Variants in TBCD observed in about 807,000 individuals in gnomAD.
The protein encoded by TBCD is tubulin folding cofactor D.
In TBCD, 105 loss-of-function variants were observed where a neutral mutation model predicts 169.3. The ratio of observed to expected loss-of-function variants is 0.62; its 90% CI spans 0.53 to 0.73. The LOEUF (loss-of-function observed/expected upper bound fraction) is 0.73, where lower values mean the gene tolerates loss of function less well. Ranked by LOEUF, TBCD falls within the 30% of genes least tolerant of loss-of-function variation. The pLI, the probability that TBCD is intolerant of heterozygous loss-of-function variation, is 0.00. For missense variants in TBCD, 1,444 were observed against 1,600.1 expected, an observed-to-expected ratio of 0.90 and a Z score of 1.66; for synonymous variants, 700 against 643.9, an observed-to-expected ratio of 1.09 and a Z score of -1.32.
Position 82,779,361 on chromosome 17 carries a change from T to C in TBCD, c.639-2228T>C, listed in dbSNP as rs750648105. On this transcript the variant is annotated intron_variant, in intron 6 of 38. Coordinates refer to ENST00000355528, the MANE Select transcript of TBCD (RefSeq NM_005993.5). ...GTCTTGAACTCCTGAACTCAAGCTA[T>C]TCACCCACCTCCGCCTCCCAAATTG... is the stretch of plus-strand genomic sequence containing the variant. Among the ~76,000 whole-genome samples the C allele has an allele frequency of 2.6e-5, 4 of 152,194 alleles. No homozygotes were observed. In the South Asian group the frequency reaches 8.3e-4, roughly 32 times the overall value.
rs144854921 is a variant in TBCD, at chr17:82,937,380, G to A, written c.3281+20G>A. ...CGCAGTGTGAGTTTCAAGTGCTGCT[G>A]GCCTTAGACGGAATGGCAGGGCGCA... On this transcript the variant is annotated intron_variant, in intron 35 of 38. Transcript: ENST00000355528. 1,346 of 1,610,838 alleles carry A rather than the reference G, an allele frequency of 8.4e-4. 11 individuals are homozygous for A. The African/African-American group carries it at 0.014, about 17-fold the overall frequency.
chr17:82,800,391 A>G (rs910710173), intron 8 of TBCD, among the ~76,000 whole-genome samples: 2 of 152,100 alleles, frequency 1.3e-5, no homozygotes, highest in Non-Finnish European at 2.9e-5. Context: ...CCTGAAAAAC[A>G]GAGCAAGCCA....
intron 9 of TBCD, among the ~76,000 whole-genome samples, chr17:82,804,733 C>T (rs2050825635): frequency 6.6e-6 from 1 of 152,204 alleles, no homozygotes; most frequent in Non-Finnish European, 1.5e-5. Context: ...GCAGCTCTCA[C>T]CAGACTCTGC....
chr17:82,937,609 G>A (rs1599715507), intron 35 of TBCD: 1 of 592,082 alleles, frequency 1.7e-6, no homozygotes, highest in East Asian at 2.8e-5. Context: ...TGCCCTGGCG[G>A]GAGGGGAGGC....
Position 82,822,567 on chromosome 17 carries a change from C to T in TBCD, c.1318+7633C>T, listed in dbSNP as rs1372705325. 2.0e-5 allele frequency among the ~76,000 whole-genome samples: 3 copies of T among 152,272 alleles called. No homozygotes were observed. The East Asian group carries it at 5.8e-4, about 29-fold the overall frequency. On this transcript the variant is annotated intron_variant, in intron 13 of 38. Coordinates refer to ENST00000355528, the MANE Select transcript of TBCD (RefSeq NM_005993.5). ...TGGGGGCCAGATCCTAGAGGGGCTTCAGGAACACAGTGAGGGGTTTGGAAA... is the reference window on the plus strand; with the variant it reads ...TGGGGGCCAGATCCTAGAGGGGCTTTAGGAACACAGTGAGGGGTTTGGAAA...
At chr17:82,873,829 T>G (rs2057776697) in intron 14 of TBCD, among the ~76,000 whole-genome samples, 2 of 152,184 alleles carry the variant, frequency 1.3e-5, no homozygotes, top group Admixed American at 6.5e-5. Flanking sequence ...TTAGGCCTGA[T>G]TCACAGAGGC....
At chr17:82,815,550 C>T (rs942152578) in intron 13 of TBCD, among the ~76,000 whole-genome samples, 6 of 152,242 alleles carry the variant, frequency 3.9e-5, no homozygotes, top group African/African-American at 7.2e-5. Context: ...GGGCACTGCC[C>T]CAGACCAGCT....
At chr17:82,780,012 G>A (rs1322752614) in intron 6 of TBCD, among the ~76,000 whole-genome samples, 3 of 152,266 alleles carry the variant, frequency 2.0e-5, no homozygotes, top group African/African-American at 7.2e-5. Context: ...CCCCATAAAG[G>A]TGTGGCTAGG....
rs763219815 is a variant in TBCD, at chr17:82,937,935, G to A, written c.3282-114G>A. On this transcript the variant is annotated intron_variant, in intron 35 of 38. Transcript: ENST00000355528. Reference sequence around the variant, plus strand: ...CGGCTTGGGGCCCCAGGCCCGCACTGTGCTCACGGATCTGCTCTGCCCAGG... The same window carrying A: ...CGGCTTGGGGCCCCAGGCCCGCACTATGCTCACGGATCTGCTCTGCCCAGG... 1.1e-5 allele frequency: 17 copies of A among 1,545,484 alleles called. 1 individual carries two copies. The South Asian group carries it at 1.8e-4, about 16-fold the overall frequency.
At position 82,835,056 on chromosome 17, in the gene TBCD, A is replaced by G. The variant is rs1598810030; in HGVS notation, c.1318+20122A>G. Among the ~76,000 whole-genome samples the G allele has an allele frequency of 6.6e-6, 1 of 151,844 alleles. No homozygotes were observed. The highest frequency in any genetic ancestry group is 2.1e-4 in the South Asian group (1 of 4,812). ...GCAGCCTGGTGGGCAACAGAATGAG[A>G]CCCTGCCTCAAAAAAAAGCTAAATG... On this transcript the variant is annotated intron_variant, in intron 13 of 38. Transcript: ENST00000355528. The surrounding 1 kb of genome is among the most constrained non-coding windows in gnomAD (Gnocchi z 4.5).
chr17:82,887,015 G>A (rs769016745), intron 15 of TBCD, among the ~76,000 whole-genome samples: 14 of 151,794 alleles, frequency 9.2e-5, no homozygotes, highest in South Asian at 2.1e-4. Flanking sequence ...GAGCCCATGC[G>A]TGTTTCACCA....
At position 82,884,643 on chromosome 17, in the gene TBCD, C is replaced by T. The variant is rs1359435618; in HGVS notation, c.1533+441C>T. On this transcript the variant is annotated intron_variant, in intron 15 of 38. Coordinates refer to ENST00000355528, the MANE Select transcript of TBCD (RefSeq NM_005993.5). The surrounding 1 kb of genome is among the most constrained non-coding windows in gnomAD (Gnocchi z 4.2). ...TCAGCTCTGCTTCACCCGCCACACT[C>T]GCCTGGGCCTTGCTGGATGTGGGAG... Among the ~76,000 whole-genome samples the T allele has an allele frequency of 6.6e-6, 1 of 152,184 alleles. No individual in the cohort carries two copies. Among genetic ancestry groups the T allele is most frequent in the Non-Finnish European group, 1.5e-5 (1 of 68,030 alleles).
intron 13 of TBCD, among the ~76,000 whole-genome samples, chr17:82,837,520 G>A (rs2145383193): frequency 6.6e-6 from 1 of 152,296 alleles, no homozygotes; most frequent in South Asian, 2.1e-4. Flanking sequence ...TTCCATTTTA[G>A]TTAATAACAT....
At chr17:82,909,471 A>T (rs530228076) in intron 22 of TBCD, among the ~76,000 whole-genome samples, 164 bp downstream of exon 22, 1 of 143,106 alleles carries the variant, frequency 7.0e-6, no homozygotes, top group Admixed American at 7.0e-5. Flanking sequence ...TGAGGGTCTG[A>T]CCTGGTTGTG....
chr17:82,909,425 C>A, intron 22 of TBCD, 118 bp downstream of exon 22: 1 of 730,320 alleles, frequency 1.4e-6, no homozygotes, highest in Non-Finnish European at 2.3e-6. Context: ...TTGGGTTGAG[C>A]GGGTGGGTGT....
At position 82,823,808 on chromosome 17, in the gene TBCD, CTTT is replaced by C. The variant is rs151284823; in HGVS notation, c.1318+8877_1318+8879del. 7.9e-3 allele frequency among the ~76,000 whole-genome samples: 1,207 copies of C among 152,142 alleles called. 17 individuals carry two copies. Among genetic ancestry groups the C allele is most frequent in the African/African-American group, 0.028 (1,142 of 41,484 alleles). Reference sequence around the variant, plus strand: ...GCAAAATATGTATAACAAATTTGCTCTTTTTATTATTAAGCATGTTAATCCAGT... The same window carrying C: ...GCAAAATATGTATAACAAATTTGCTCTTATTATTAAGCATGTTAATCCAGT... On this transcript the variant is annotated intron_variant, in intron 13 of 38. Transcript: ENST00000355528.
intron 34 of TBCD, among the ~76,000 whole-genome samples, chr17:82,934,845 T>C (rs1331531729): frequency 1.3e-5 from 2 of 150,748 alleles, no homozygotes; most frequent in Admixed American, 6.6e-5. Context: ...ACGCCTGTAA[T>C]CCCAGCACTT....
At chr17:82,875,091 T>G (rs1259996245) in intron 14 of TBCD, among the ~76,000 whole-genome samples, 26 of 152,242 alleles carry the variant, frequency 1.7e-4, no homozygotes, top group Admixed American at 1.7e-3. Flanking sequence ...TTCCTAGCTT[T>G]TTGCTAAAGA....
chr17:82,858,478 C>G (rs967517809), intron 13 of TBCD: 3 of 720,344 alleles, frequency 4.2e-6, no homozygotes, highest in Non-Finnish European at 5.1e-6. Flanking sequence ...TGCAGGTTGG[C>G]CAGTCTGGCT....
Sources: gnomAD v4.1 joint callset for allele counts (sites outside exome capture counted in the v4.1 genomes callset) on GRCh38, gnomAD v4.1.1 for gene constraint, Gnocchi (gnomAD v3.1) non-coding constraint, MANE v1.5 for transcripts, NCBI Gene and HGNC (gene_info 2026-07-23, HGNC 2026-07-21) for gene names.